LSAMP: variants seen among roughly 807,000 people sequenced by gnomAD.
LSAMP encodes limbic system-associated membrane protein.
A neutral mutation model predicts 38.6 loss-of-function variants in LSAMP; 7 were observed. The ratio of observed to expected loss-of-function variants is 0.18; its 90% CI spans 0.10 to 0.34. The LOEUF (loss-of-function observed/expected upper bound fraction) is 0.34, where lower values mean the gene tolerates loss of function less well. Among genes scored for constraint, LSAMP ranks in the 10% least tolerant of loss-of-function variants. The pLI, the probability that LSAMP is intolerant of heterozygous loss-of-function variation, is 1.00. For missense variants in LSAMP, 313 were observed against 420.0 expected (o/e 0.75, Z 2.23); for synonymous variants, 154 against 166.8 (o/e 0.92, Z 0.59).
chr3:116,206,008 AT>A (rs1240501129), intron 1 of LSAMP, among the ~76,000 whole-genome samples: 1 of 151,882 alleles, frequency 6.6e-6, no homozygotes, highest in East Asian at 1.9e-4. Context: ...CTCTGGTAGA[AT>A]TCGGCTGTGA....
intron 1 of LSAMP, among the ~76,000 whole-genome samples, chr3:116,353,556 C>T (rs1457880968): frequency 6.6e-6 from 1 of 151,936 alleles, no homozygotes; most frequent in African/African-American, 2.4e-5. Flanking sequence ...CCAGTACGTG[C>T]AGAGTACACT....
intron 1 of LSAMP, among the ~76,000 whole-genome samples, chr3:116,127,560 C>T (rs1341693469): frequency 1.3e-5 from 2 of 152,086 alleles, no homozygotes; most frequent in Admixed American, 1.3e-4. Flanking sequence ...TGCAAATTCA[C>T]AAGTACAAAA....
chr3:116,253,019 C>T (rs2046705193), intron 1 of LSAMP, among the ~76,000 whole-genome samples: 2 of 152,198 alleles, frequency 1.3e-5, no homozygotes. Flanking sequence ...ATCAATACGA[C>T]ATTCAACTAA....
At chr3:116,215,067 A>G (rs756081927) in intron 1 of LSAMP, among the ~76,000 whole-genome samples, 13 of 152,214 alleles carry the variant, frequency 8.5e-5, no homozygotes, top group Non-Finnish European at 1.6e-4. Context: ...TGTACATAAC[A>G]CTACACTGGA....
At chr3:115,940,558 C>G (rs1937885020) in intron 3 of LSAMP, among the ~76,000 whole-genome samples, 2 of 152,156 alleles carry the variant, frequency 1.3e-5, no homozygotes, top group African/African-American at 4.8e-5. Context: ...ACGTTTAAAT[C>G]TTTAATTATT....
chr3:115,920,572 A>C (rs1937359160), intron 3 of LSAMP, among the ~76,000 whole-genome samples: 1 of 152,130 alleles, frequency 6.6e-6, no homozygotes, highest in Admixed American at 6.5e-5. Context: ...TATTGAGTTC[A>C]ATATTCTTCA....
At chr3:116,347,450 G>A (rs1329707058) in intron 1 of LSAMP, among the ~76,000 whole-genome samples, 3 of 152,152 alleles carry the variant, frequency 2.0e-5, no homozygotes, top group African/African-American at 7.2e-5. Context: ...ATAGAGAATT[G>A]ATAGTAACTG....
chr3:115,922,997 C>G (rs1937418101), intron 3 of LSAMP, among the ~76,000 whole-genome samples: 1 of 152,172 alleles, frequency 6.6e-6, no homozygotes, highest in Non-Finnish European at 1.5e-5. Context: ...TTATACCTAT[C>G]AATTCCTCAG....
intron 3 of LSAMP, among the ~76,000 whole-genome samples, chr3:115,949,188 G>A (rs1559893075): frequency 6.6e-6 from 1 of 152,208 alleles, no homozygotes. Context: ...GAATCTGGGA[G>A]ATGGAGGTTG....
intron 1 of LSAMP, among the ~76,000 whole-genome samples, chr3:116,201,020 A>C (rs1359824966): frequency 6.6e-6 from 1 of 152,218 alleles, no homozygotes; most frequent in Non-Finnish European, 1.5e-5. Context: ...CAAAAAGGAG[A>C]TTAACAAGTG....
chr3:116,034,137 T>C (rs1402219285), intron 2 of LSAMP, among the ~76,000 whole-genome samples: 3 of 152,074 alleles, frequency 2.0e-5, no homozygotes, highest in African/African-American at 7.2e-5. Flanking sequence ...ATGGTCATGG[T>C]GGTCATGCAA....
intron 2 of LSAMP, among the ~76,000 whole-genome samples, chr3:116,023,617 A>G (rs1014686817): frequency 6.6e-6 from 1 of 151,850 alleles, no homozygotes; most frequent in Non-Finnish European, 1.5e-5. Flanking sequence ...AAAAAAAAAA[A>G]AAAAAAACGG....
intron 1 of LSAMP, among the ~76,000 whole-genome samples, chr3:116,407,274 G>A (rs974327701): frequency 6.6e-6 from 1 of 152,040 alleles, no homozygotes; most frequent in Non-Finnish European, 1.5e-5. Context: ...ATGTGAAGCA[G>A]ATACAGAGAG....
chr3:116,407,889 A>G (rs1484322647), intron 1 of LSAMP, among the ~76,000 whole-genome samples: 2 of 152,036 alleles, frequency 1.3e-5, no homozygotes, highest in Non-Finnish European at 2.9e-5. Context: ...ATAAGCTCCT[A>G]CAAACAGAGT....
At chr3:115,898,847 G>A (rs1045571642) in intron 3 of LSAMP, among the ~76,000 whole-genome samples, 3 of 152,014 alleles carry the variant, frequency 2.0e-5, no homozygotes, top group Admixed American at 1.3e-4. Context: ...AAGGAAGTTC[G>A]AGAAAAGGAA....
At position 116,119,681 on chromosome 3, in the gene LSAMP, A is replaced by G. The variant is rs772123031; in HGVS notation, c.156-33125T>C. The stretch of plus-strand genomic sequence containing the variant: ...CTTTTCTTTTTTTTTTTTTTTGAGA[A>G]GGAGTCTTGCTCTGTTACCCAGGCT... On this transcript the variant is annotated intron_variant, in intron 1 of 6. Transcript: ENST00000490035. Among the ~76,000 whole-genome samples, 84 of 149,490 alleles carry G rather than the reference A, an allele frequency of 5.6e-4. 1 individual carries two copies. The Middle Eastern group carries it at 0.031, about 55-fold the overall frequency.
At chr3:115,880,116 T>C (rs1936284314) in intron 3 of LSAMP, among the ~76,000 whole-genome samples, 1 of 152,134 alleles carries the variant, frequency 6.6e-6, no homozygotes, top group Non-Finnish European at 1.5e-5. Flanking sequence ...TACACTGGGA[T>C]AGCAGAGTGG....
intron 3 of LSAMP, among the ~76,000 whole-genome samples, chr3:115,986,766 T>C (rs1281793065): frequency 6.6e-6 from 1 of 152,070 alleles, no homozygotes; most frequent in Non-Finnish European, 1.5e-5. Flanking sequence ...ATCTCACCAC[T>C]AGGTGGGAGG....
intron 1 of LSAMP, chr3:116,369,865 A>G (rs891053417): frequency 1.2e-4 from 18 of 152,640 alleles, no homozygotes; most frequent in Admixed American, 1.0e-3. Flanking sequence ...GCATTCACAG[A>G]GAAACGGTCA....
Sources: gnomAD v4.1 joint callset for allele counts (sites outside exome capture counted in the v4.1 genomes callset) on GRCh38, gnomAD v4.1.1 for gene constraint, MANE v1.5 for transcripts, NCBI Gene and HGNC (gene_info 2026-07-23, HGNC 2026-07-21) for gene names.